The following COL28A1 variants were observed in gnomAD, a reference collection of about 807,000 sequenced individuals.
The protein encoded by COL28A1 is collagen type XXVIII alpha 1 chain.
Under a neutral mutation model 150.2 loss-of-function variants are expected in COL28A1, and 161 were observed. That is an observed-to-expected ratio of 1.07 (90% CI 0.94 to 1.22). The LOEUF (loss-of-function observed/expected upper bound fraction) is 1.22, where lower values mean the gene tolerates loss of function less well. COL28A1 is among the 50% of genes most tolerant of loss of function. The pLI is 0.00. For missense variants in COL28A1, 1,617 were observed against 1,388.3 expected (o/e 1.16, Z -2.62); for synonymous variants, 552 against 469.7 (o/e 1.18, Z -2.26).
intron 11 of COL28A1, among the ~76,000 whole-genome samples, chr7:7,504,312 C>A (rs1050177575): frequency 1.3e-5 from 2 of 151,508 alleles, no homozygotes; most frequent in African/African-American, 4.8e-5. Flanking sequence ...AACTGGGCAA[C>A]AAAGCGAGAG....
At chr7:7,540,361 A>G (rs1452976181), upstream of COL28A1, among the ~76,000 whole-genome samples, 1 of 152,224 alleles carries the variant, frequency 6.6e-6, no homozygotes, top group East Asian at 1.9e-4. Context: ...GATCTTGGTG[A>G]ATTATTTGAT....
chr7:7,424,788 G>A (rs1326689239), intron 25 of COL28A1, among the ~76,000 whole-genome samples: 1 of 152,080 alleles, frequency 6.6e-6, no homozygotes, highest in African/African-American at 2.4e-5. Context: ...GATTCTAGAT[G>A]GGAGATACTA....
intron 31 of COL28A1, among the ~76,000 whole-genome samples, chr7:7,374,006 G>A (rs2128284877): frequency 8.3e-6 from 1 of 119,818 alleles, no homozygotes; most frequent in East Asian, 2.3e-4. Context: ...GCCCCTTCTG[G>A]TTTCTATACT....
chr7:7,501,478 G>A (rs1780522282), intron 11 of COL28A1, among the ~76,000 whole-genome samples: 3 of 152,072 alleles, frequency 2.0e-5, no homozygotes, highest in Admixed American at 2.0e-4. Flanking sequence ...AGAGAGTCTT[G>A]GAAAGAGTGG....
At chr7:7,338,628 G>A in the COL28A1 span, among the ~76,000 whole-genome samples, 1 of 152,006 alleles carries the variant, frequency 6.6e-6, no homozygotes, top group Non-Finnish European at 1.5e-5. Context: ...TCATATCTCA[G>A]TGAAGAAAGA....
chr7:7,387,178 A>G (rs748983579), intron 27 of COL28A1, among the ~76,000 whole-genome samples: 3 of 152,174 alleles, frequency 2.0e-5, no homozygotes, highest in Non-Finnish European at 4.4e-5. Context: ...TGAAGGAAAC[A>G]GAATAAACCT....
Position 7,375,396 on chromosome 7 carries a change from C to T in COL28A1, c.2359+65G>A, listed in dbSNP as rs376803830. ...ATACATCTGGACGAACACATTCTGT[C>T]ACCAGCACAGTACATAGTGGGGCTG... On this transcript the variant is annotated intron_variant, in intron 31 of 34. Transcript: ENST00000399429. The T allele has an allele frequency of 3.3e-4, 479 of 1,432,090 alleles. 1 individual carries two copies. The highest frequency in any genetic ancestry group is 2.3e-4 in the Non-Finnish European group (249 of 1,066,544). 88.7% of individuals were successfully genotyped at this position (1,432,090 alleles called of 1,614,324 possible). A position where few individuals can be genotyped will look rare whatever the true frequency, so the allele number is the denominator to read the frequency against.
At chr7:7,537,936 A>G (rs41533854), upstream of COL28A1, among the ~76,000 whole-genome samples, 688 of 152,242 alleles carry the variant, frequency 4.5e-3, 11 homozygotes, top group African/African-American at 0.016. Flanking sequence ...TGCCACTAAG[A>G]AGCAAACAGG....
At chr7:7,509,423 C>A (rs748566819) in intron 9 of COL28A1, among the ~76,000 whole-genome samples, 2 of 152,146 alleles carry the variant, frequency 1.3e-5, no homozygotes, top group East Asian at 3.8e-4. Context: ...CTACTGTATT[C>A]GGATATTTTT....
chr7:7,443,596 G>T lies in COL28A1; in HGVS notation c.1639C>A (p.Pro547Thr). The change falls in exon 20 of 35, where the codon CCT becomes ACT. Residue 547 changes from proline to threonine, a missense_variant. Coordinates refer to ENST00000399429, the MANE Select transcript of COL28A1 (RefSeq NM_001037763.3). ...TGTCATTTCCATACCTTGGGGCCAG[G>T]CTGTCCTTTTCCAGGTGGTCCTTCT... ...GPEGPPGKGQPGPKGDEGKKG... is the reference protein window; with the variant it reads ...GPEGPPGKGQTGPKGDEGKKG... 1 of 1,614,092 alleles carries T rather than the reference G, an allele frequency of 6.2e-7. No homozygotes were observed. Among genetic ancestry groups the T allele is most frequent in the Non-Finnish European group, 8.5e-7 (1 of 1,180,030 alleles).
At chr7:7,494,853 TA>T (rs1171332316) in intron 11 of COL28A1, among the ~76,000 whole-genome samples, 4 of 152,194 alleles carry the variant, frequency 2.6e-5, no homozygotes, top group Non-Finnish European at 5.9e-5. Flanking sequence ...GAAAGTTTCA[TA>T]TAGTAGAGGA....
intron 33 of COL28A1, among the ~76,000 whole-genome samples, chr7:7,362,182 T>C (rs1780703031): frequency 6.6e-6 from 1 of 152,156 alleles, no homozygotes; most frequent in Non-Finnish European, 1.5e-5. Context: ...AGTATAATAA[T>C]AAAAAATCAT....
intron 30 of COL28A1, among the ~76,000 whole-genome samples, chr7:7,376,027 C>T (rs1664111616): frequency 6.6e-6 from 1 of 152,094 alleles, no homozygotes; most frequent in Non-Finnish European, 1.5e-5. Flanking sequence ...TTCTTAACAC[C>T]CTCACTTTGG....
intron 5 of COL28A1, 145 bp downstream of exon 5, chr7:7,521,760 A>G (rs1047485839): frequency 9.4e-6 from 6 of 640,856 alleles, no homozygotes; most frequent in Non-Finnish European, 1.7e-5. Context: ...TAGAAATAAA[A>G]GAAAGAAGTA....
At position 7,447,229 on chromosome 7, in the gene COL28A1, A is replaced by G. The variant is rs563470832; in HGVS notation, c.1510-2740T>C. The stretch of plus-strand genomic sequence containing the variant: ...AAAAAACATCCAAGAACAAAGCTCA[A>G]AATAGAGGAATACAAAAATATCCAA... On this transcript the variant is annotated intron_variant, in intron 18 of 34. Transcript: ENST00000399429. Among the ~76,000 whole-genome samples the G allele has an allele frequency of 2.6e-5, 4 of 152,288 alleles. No homozygotes were observed. In the South Asian group the frequency reaches 8.3e-4, roughly 32 times the overall value.
chr7:7,431,489 T>A (rs1037135117), intron 25 of COL28A1: 2 of 470,472 alleles, frequency 4.3e-6, no homozygotes, highest in Non-Finnish European at 8.8e-6. Flanking sequence ...ACATTTGAGC[T>A]AAGCTTTTAA....
At chr7:7,447,752 T>C (rs1259688125) in intron 18 of COL28A1, among the ~76,000 whole-genome samples, 1 of 152,082 alleles carries the variant, frequency 6.6e-6, no homozygotes, top group Non-Finnish European at 1.5e-5. Flanking sequence ...GAAGAAAAGA[T>C]TAGTGAACTA....
chr7:7,425,352 G>T (rs1033677240), intron 25 of COL28A1, among the ~76,000 whole-genome samples: 1 of 152,076 alleles, frequency 6.6e-6, no homozygotes, highest in African/African-American at 2.4e-5. Flanking sequence ...TTAATGCAAA[G>T]ACCTCGGCTG....
chr7:7,398,165 G>A (rs1160517897), intron 27 of COL28A1, among the ~76,000 whole-genome samples: 3 of 152,134 alleles, frequency 2.0e-5, no homozygotes, highest in Non-Finnish European at 2.9e-5. Flanking sequence ...TGTCTAGGAG[G>A]AAGCAGATAC....
Sources: allele counts gnomAD v4.1 joint callset (sites outside exome capture counted in the v4.1 genomes callset), GRCh38; gene constraint gnomAD v4.1.1; transcripts MANE v1.5; gene names NCBI Gene and HGNC (gene_info 2026-07-23, HGNC 2026-07-21).